Variants in XKR9 observed in about 807,000 individuals in gnomAD.
XKR9 encodes the protein XK-related protein 9.
In XKR9, 32 loss-of-function variants were observed where a neutral mutation model predicts 32.0. The ratio of observed to expected loss-of-function variants is 1.00; its 90% CI spans 0.76 to 1.34. The LOEUF is 1.34. Among genes scored for constraint, XKR9 ranks in the 40% most tolerant of loss-of-function variants. XKR9 has a pLI of 0.00. For synonymous variants in XKR9, 168 were observed against 143.4 expected (o/e 1.17, Z -1.22); for missense variants, 546 against 429.7 (o/e 1.27, Z -2.39).
At chr8:70,751,535 A>G (rs913258912) in intron 2 of XKR9, among the ~76,000 whole-genome samples, 3 of 152,298 alleles carry the variant, frequency 2.0e-5, no homozygotes, top group Admixed American at 2.0e-4. Flanking sequence ...AGAGATTGAC[A>G]TTTGAATCAG....
the XKR9 span, among the ~76,000 whole-genome samples, chr8:71,063,945 G>T: frequency 2.2e-4 from 34 of 152,238 alleles, 1 homozygote; most frequent in African/African-American, 8.2e-4. Flanking sequence ...TCTCTAAACA[G>T]ATATATGTGT....
At chr8:70,753,421 C>A (rs1428341571) in intron 2 of XKR9, among the ~76,000 whole-genome samples, 3 of 151,948 alleles carry the variant, frequency 2.0e-5, no homozygotes, top group Non-Finnish European at 4.4e-5. Flanking sequence ...TTTATGAGGC[C>A]AGCATCATCC....
the XKR9 span, among the ~76,000 whole-genome samples, chr8:70,875,992 A>G: frequency 6.6e-6 from 1 of 152,180 alleles, no homozygotes; most frequent in Non-Finnish European, 1.5e-5. Flanking sequence ...ACACATAAGC[A>G]TATTTAATAC....
chr8:70,740,452 C>T (rs188877152), downstream of XKR9, among the ~76,000 whole-genome samples: 97 of 152,276 alleles, frequency 6.4e-4, no homozygotes, highest in African/African-American at 2.2e-3. Context: ...TCATCTGAAG[C>T]CTTCTTCTCT....
intron 2 of XKR9, among the ~76,000 whole-genome samples, chr8:70,679,319 C>T (rs1219272814): frequency 2.0e-5 from 3 of 152,192 alleles, no homozygotes; most frequent in African/African-American, 7.2e-5. Flanking sequence ...CTAACATTTA[C>T]TGGGCCCTAA....
At chr8:71,023,963 C>A in the XKR9 span, among the ~76,000 whole-genome samples, 1 of 152,160 alleles carries the variant, frequency 6.6e-6, no homozygotes, top group Admixed American at 6.5e-5. Context: ...TTGTTAGGTC[C>A]CTAGTGGTGT....
chr8:70,794,091 T>C (rs1807798336), downstream of XKR9, among the ~76,000 whole-genome samples: 1 of 152,110 alleles, frequency 6.6e-6, no homozygotes, highest in Non-Finnish European at 1.5e-5. Context: ...ATGACAACTT[T>C]GTGTTTTATT....
the XKR9 span, among the ~76,000 whole-genome samples, chr8:70,926,098 G>T: frequency 1.9e-4 from 29 of 152,152 alleles, no homozygotes; most frequent in African/African-American, 6.3e-4. Flanking sequence ...TTTTGAGATG[G>T]AATTTTGCTC....
At chr8:70,723,768 C>T (rs1202603982) in intron 4 of XKR9, among the ~76,000 whole-genome samples, 1 of 152,144 alleles carries the variant, frequency 6.6e-6, no homozygotes, top group Non-Finnish European at 1.5e-5. Context: ...CTGGGATGCG[C>T]CTCCCAGTCA....
At chr8:70,868,582 G>A in the XKR9 span, among the ~76,000 whole-genome samples, 1 of 152,044 alleles carries the variant, frequency 6.6e-6, no homozygotes, top group Non-Finnish European at 1.5e-5. Context: ...CACATAGCAC[G>A]AGGACCCTGG....
At position 70,684,233 on chromosome 8, in the gene XKR9, A is replaced by G. The variant is rs546407030; in HGVS notation, c.272+2903A>G. On this transcript the variant is annotated intron_variant, in intron 3 of 4. Transcript: ENST00000408926. Reference sequence around the variant, plus strand: ...ATAATTGTCAGCCATTAACTTTTTTAACATTTTCTTTACTATATTTAGTGT... The same window carrying G: ...ATAATTGTCAGCCATTAACTTTTTTGACATTTTCTTTACTATATTTAGTGT... Among the ~76,000 whole-genome samples the G allele has an allele frequency of 3.9e-5, 6 of 152,246 alleles. No homozygotes were observed. The South Asian group carries it at 1.2e-3, about 32-fold the overall frequency.
intron 3 of XKR9, among the ~76,000 whole-genome samples, chr8:70,704,005 A>G (rs1586835468): frequency 6.6e-6 from 1 of 152,054 alleles, no homozygotes; most frequent in South Asian, 2.1e-4. Context: ...ACACAGTGAA[A>G]CCCTGCCTCT....
the XKR9 span, among the ~76,000 whole-genome samples, chr8:70,901,360 GT>G: frequency 6.6e-6 from 1 of 152,212 alleles, no homozygotes; most frequent in Non-Finnish European, 1.5e-5. Context: ...TCTAACTGGT[GT>G]GAGATGGTAT....
rs1246948815 is a variant in XKR9, at chr8:70,695,145, TC to T, written c.273-11787del. On this transcript the variant is annotated intron_variant, in intron 3 of 4. Transcript: ENST00000408926. ...TTGTTTTTCTTTTTTTTTTTTTTTTTCTCATTGATTTGTTTTTAAAAAAATT... is the reference window on the plus strand; with the variant it reads ...TTGTTTTTCTTTTTTTTTTTTTTTTTTCATTGATTTGTTTTTAAAAAAATT... 1.1e-3 allele frequency among the ~76,000 whole-genome samples: 157 copies of T among 136,950 alleles called. 1 individual carries two copies. The highest frequency in any genetic ancestry group is 3.8e-3 in the Middle Eastern group (1 of 260). 89.8% of individuals were successfully genotyped at this position (136,950 alleles called of 152,430 possible).
intron 4 of XKR9, among the ~76,000 whole-genome samples, chr8:70,711,720 C>A (rs62530812): frequency 1.6e-5 from 1 of 60,686 alleles, no homozygotes; most frequent in Admixed American, 1.6e-4. Context: ...ATACCTAACC[C>A]CAGTGATACA....
In XKR9 at chr8:70,779,215, G is replaced by A. The variant is rs543444957; in HGVS notation, n.353-10124G>A. 5.9e-5 allele frequency among the ~76,000 whole-genome samples: 9 copies of A among 152,122 alleles called. No homozygotes were observed. In the South Asian group the frequency reaches 1.7e-3, roughly 28 times the overall value. ...TATCTATTTCTCAATAGATAATCACGTGGTTTTTTGTCGTTCTGTTTATGT... is the reference window on the plus strand; with the variant it reads ...TATCTATTTCTCAATAGATAATCACATGGTTTTTTGTCGTTCTGTTTATGT... On this transcript the variant is annotated intron_variant and non_coding_transcript_variant, in intron 2 of 3. Coordinates refer to the XKR9 transcript ENST00000520273.
chr8:70,979,901 A>C, the XKR9 span, among the ~76,000 whole-genome samples: 1 of 152,178 alleles, frequency 6.6e-6, no homozygotes, highest in South Asian at 2.1e-4. Context: ...TCCTTGAGCT[A>C]TGGTGGTCTC....
chr8:70,672,995 T>C (rs1818766693), intron 1 of XKR9, among the ~76,000 whole-genome samples: 1 of 152,238 alleles, frequency 6.6e-6, no homozygotes, highest in Non-Finnish European at 1.5e-5. Flanking sequence ...GCAAATATTT[T>C]CTTCTGTTCA....
chr8:70,669,909 G>A (rs1028811582), intron 1 of XKR9, among the ~76,000 whole-genome samples: 2 of 151,652 alleles, frequency 1.3e-5, no homozygotes, highest in African/African-American at 4.8e-5. Flanking sequence ...CTCGTGATCC[G>A]CCCGCCTCGG....
Sources: gnomAD v4.1 joint callset for allele counts (sites outside exome capture counted in the v4.1 genomes callset) on GRCh38, gnomAD v4.1.1 for gene constraint, MANE v1.5 for transcripts, NCBI Gene and HGNC (gene_info 2026-07-23, HGNC 2026-07-21) for gene names.